The following AFF2 variants were observed in gnomAD, a reference collection of about 807,000 sequenced individuals.
AFF2 encodes ALF transcription elongation factor 2.
In AFF2, 14 loss-of-function variants were observed where a neutral mutation model predicts 76.9. The ratio of observed to expected loss-of-function variants is 0.18; its 90% CI spans 0.12 to 0.28. The LOEUF is 0.28. AFF2 is among the 10% of genes least tolerant of loss of function. The probability of loss-of-function intolerance (pLI) is 1.00; values close to 1 mark genes in which losing one functional copy is unlikely to be tolerated. For synonymous variants in AFF2, 398 were observed against 366.7 expected (o/e 1.09, Z -0.98); for missense variants, 868 against 1,001.1 (o/e 0.87, Z 1.79).
At chrX:148,679,751 G>A (rs1411519233) in intron 3 of AFF2, among the ~76,000 whole-genome samples, 2 of 111,237 alleles carry the variant, frequency 1.8e-5, no homozygotes, top group African/African-American at 3.3e-5. Context: ...CCAAATGGAA[G>A]CTCTACTACC....
At chrX:148,900,366 A>G (rs1440294540) in intron 8 of AFF2, among the ~76,000 whole-genome samples, 2 of 111,744 alleles carry the variant, frequency 1.8e-5, no homozygotes, top group Non-Finnish European at 1.9e-5. Flanking sequence ...ATATAAAAGA[A>G]AGACAAGCTT....
Position 148,943,260 on chromosome X carries a change from A to G in AFF2, c.1398-10320A>G, listed in dbSNP as rs782267607. ...AAGATTCATTCAGTAAGGAAACTAT[A>G]TGACTTTTATTTCAGAAATTGCGTA... is the stretch of plus-strand genomic sequence containing the variant. On this transcript the variant is annotated intron_variant, in intron 9 of 20. Transcript: ENST00000370460. Among the ~76,000 whole-genome samples, 30 of 112,708 alleles carry G rather than the reference A, an allele frequency of 2.7e-4. 1 individual carries two copies. The highest frequency in any genetic ancestry group is 1.7e-4 in the Non-Finnish European group (9 of 53,330).
chrX:148,583,541 C>T (rs2053435671), intron 1 of AFF2, among the ~76,000 whole-genome samples: 1 of 111,306 alleles, frequency 9.0e-6, no homozygotes, highest in South Asian at 3.7e-4. Flanking sequence ...AATGCTAAGT[C>T]CTCTTAGCAG....
At chrX:148,749,693 C>T (rs1490345328) in intron 3 of AFF2, among the ~76,000 whole-genome samples, 4 of 110,306 alleles carry the variant, frequency 3.6e-5, no homozygotes, top group Non-Finnish European at 3.8e-5. Context: ...TGACCCCAGA[C>T]CCTACGTGCT....
chrX:148,617,697 G>A (rs896062147), intron 1 of AFF2, among the ~76,000 whole-genome samples: 7 of 112,292 alleles, frequency 6.2e-5, no homozygotes, highest in African/African-American at 9.7e-5. Context: ...ATTCACACTC[G>A]CCTTATGTTT....
intron 1 of AFF2, among the ~76,000 whole-genome samples, chrX:148,514,000 A>G (rs1415743696): frequency 9.0e-6 from 1 of 111,707 alleles, no homozygotes; most frequent in Non-Finnish European, 1.9e-5. Flanking sequence ...CCACTCATAA[A>G]TCTTTATTGA....
At chrX:148,990,190 A>G (rs782770315) in intron 20 of AFF2, among the ~76,000 whole-genome samples, 1 of 112,528 alleles carries the variant, frequency 8.9e-6, no homozygotes, top group Non-Finnish European at 1.9e-5. Flanking sequence ...TGTTATATAT[A>G]ACATGAAGAG....
chrX:148,820,725 T>C (rs1334165708), intron 4 of AFF2, among the ~76,000 whole-genome samples: 1 of 111,897 alleles, frequency 8.9e-6, no homozygotes, highest in Non-Finnish European at 1.9e-5. Context: ...TTCTATAATT[T>C]ATATTACTTT....
intron 7 of AFF2, among the ~76,000 whole-genome samples, chrX:148,885,376 G>A (rs1241886751): frequency 3.6e-5 from 4 of 111,330 alleles, no homozygotes; most frequent in Admixed American, 2.9e-4. Flanking sequence ...CTCTTTTGCG[G>A]CCACCCAGCT....
At chrX:148,738,278 T>C (rs2124560971) in intron 3 of AFF2, among the ~76,000 whole-genome samples, 1 of 111,551 alleles carries the variant, frequency 9.0e-6, no homozygotes, top group African/African-American at 3.3e-5. Context: ...ATTTTTAAAT[T>C]ACCATTTCAA....
At chrX:148,540,696 CT>C (rs1358219885) in intron 1 of AFF2, among the ~76,000 whole-genome samples, 1 of 111,080 alleles carries the variant, frequency 9.0e-6, no homozygotes, top group Admixed American at 9.6e-5. Flanking sequence ...CTTCAGGACA[CT>C]TACTGGTTCC....
At chrX:148,790,088 T>A (rs895538092) in intron 3 of AFF2, among the ~76,000 whole-genome samples, 1 of 112,068 alleles carries the variant, frequency 8.9e-6, no homozygotes, top group Admixed American at 9.5e-5. Flanking sequence ...TCCATTGATA[T>A]GTTGAATTGC....
intron 8 of AFF2, among the ~76,000 whole-genome samples, chrX:148,889,058 G>A (rs1569556619): frequency 8.9e-6 from 1 of 111,875 alleles, no homozygotes; most frequent in African/African-American, 3.2e-5. Flanking sequence ...TGACTCATTT[G>A]AAGAAACTCA....
At chrX:148,859,010 C>T (rs1247548034) in intron 7 of AFF2, among the ~76,000 whole-genome samples, 9 of 106,388 alleles carry the variant, frequency 8.5e-5, no homozygotes, top group Non-Finnish European at 1.4e-4. Context: ...AACTACAATA[C>T]GCTTTAACAA....
chrX:148,665,868 C>T (rs782548917), intron 3 of AFF2, among the ~76,000 whole-genome samples: 1 of 111,878 alleles, frequency 8.9e-6, no homozygotes, highest in Non-Finnish European at 1.9e-5. Flanking sequence ...ACCAAAAAGG[C>T]TTATCCGTGG....
chrX:148,950,143 CTA>C (rs1439341355), intron 9 of AFF2, among the ~76,000 whole-genome samples: 5 of 112,637 alleles, frequency 4.4e-5, no homozygotes. Context: ...CTTAAGCCAA[CTA>C]TTCAGACATT....
rs1020139550 is a variant in AFF2 at position 149,000,076 on chromosome X, A to G, written c.*8744A>G. On this transcript the variant is annotated 3_prime_UTR_variant, in exon 21 of 21. Coordinates refer to ENST00000370460, the MANE Select transcript of AFF2 (RefSeq NM_002025.4). Reference sequence around the variant, plus strand: ...AACAGCCTGCCTGGCTCCTATGAAGAAAACTTCCTGACGTCCTGTCCCCAA... The same window carrying G: ...AACAGCCTGCCTGGCTCCTATGAAGGAAACTTCCTGACGTCCTGTCCCCAA... 1 of 111,829 alleles carries G rather than the reference A, an allele frequency of 8.9e-6. No individual in the cohort carries two copies. Among genetic ancestry groups the G allele is most frequent in the Non-Finnish European group, 1.9e-5 (1 of 53,134 alleles). 9.2% of individuals were successfully genotyped at this position (111,829 alleles called of 1,213,427 possible). A position where few individuals can be genotyped will look rare whatever the true frequency, so the allele number is the denominator to read the frequency against.
chrX:148,907,222 G>A (rs1396091838), intron 9 of AFF2, among the ~76,000 whole-genome samples: 2 of 112,268 alleles, frequency 1.8e-5, no homozygotes, highest in Admixed American at 1.9e-4. Flanking sequence ...ACAAGTTTAC[G>A]GAATGAATAA....
At chrX:148,669,603 C>T (rs1434095157) in intron 3 of AFF2, among the ~76,000 whole-genome samples, 1 of 110,938 alleles carries the variant, frequency 9.0e-6, no homozygotes, top group African/African-American at 3.3e-5. Context: ...CATCAGATCT[C>T]GTGAGACTTA....
Sources: allele counts gnomAD v4.1 joint callset (sites outside exome capture counted in the v4.1 genomes callset), GRCh38; gene constraint gnomAD v4.1.1; transcripts MANE v1.5; gene names NCBI Gene and HGNC (gene_info 2026-07-23, HGNC 2026-07-21).